The following MYO9A variants were observed in gnomAD, a reference collection of about 807,000 sequenced individuals.
MYO9A encodes the protein unconventional myosin-IXa.
In MYO9A, 103 loss-of-function variants were observed where a neutral mutation model predicts 293.3. The observed-to-expected ratio is 0.35, with a 90% CI of 0.30 to 0.41. The LOEUF is 0.41. MYO9A is among the 10% of genes least tolerant of loss of function. The probability of loss-of-function intolerance (pLI) is 1.00; values close to 1 mark genes in which losing one functional copy is unlikely to be tolerated. For missense variants in MYO9A, 2,685 were observed against 3,033.0 expected, an observed-to-expected ratio of 0.89 and a Z score of 2.69; for synonymous variants, 1,001 against 1,035.7, an observed-to-expected ratio of 0.97 and a Z score of 0.64.
intron 1 of MYO9A, among the ~76,000 whole-genome samples, chr15:72,053,176 G>T (rs910949931): frequency 2.6e-5 from 4 of 152,130 alleles, no homozygotes; most frequent in Non-Finnish European, 4.4e-5. Flanking sequence ...AAGGCAGGCG[G>T]ATCACTTAAG....
chr15:72,030,096 T>C (rs764932141), intron 3 of MYO9A, among the ~76,000 whole-genome samples: 3 of 152,222 alleles, frequency 2.0e-5, no homozygotes, highest in African/African-American at 2.4e-5. Context: ...TGTGGGTTCT[T>C]TGAAAATCCA....
chr15:71,836,649 A>C (rs2054952450), intron 39 of MYO9A, among the ~76,000 whole-genome samples: 1 of 152,114 alleles, frequency 6.6e-6, no homozygotes. Flanking sequence ...AATGAGCTAC[A>C]ACAAAATATG....
intron 1 of MYO9A, among the ~76,000 whole-genome samples, chr15:72,096,387 A>C (rs2080065660): frequency 6.6e-6 from 1 of 152,180 alleles, no homozygotes; most frequent in Non-Finnish European, 1.5e-5. Context: ...TTTGCTCTCT[A>C]AATGGAAAAA....
chr15:72,067,047 T>C (rs2079042192), intron 1 of MYO9A, among the ~76,000 whole-genome samples: 1 of 148,502 alleles, frequency 6.7e-6, no homozygotes, highest in Non-Finnish European at 1.5e-5. Context: ...TATTAATACA[T>C]TATATAATAT....
In MYO9A at chr15:71,867,844, ACACACG is replaced by A. The variant is rs1242281726; in HGVS notation, c.5980-5239_5980-5234del. On this transcript the variant is annotated intron_variant, in intron 32 of 41. Transcript: ENST00000356056. Reference sequence around the variant, plus strand: ...CACACACACACACACACACACACACACACACGGTTATTCATTGTTCACTCTTTGTAA... The same window carrying A: ...CACACACACACACACACACACACACAGTTATTCATTGTTCACTCTTTGTAA... Among the ~76,000 whole-genome samples the A allele has an allele frequency of 2.2e-4, 30 of 134,376 alleles. No individual in the cohort carries two copies. In the East Asian group the frequency reaches 6.0e-3, roughly 27 times the overall value. The allele number at this position is 134,376 out of a possible 152,430, so 88.2% of individuals were successfully genotyped here.
At chr15:71,960,648 A>C (rs1412164798) in intron 13 of MYO9A, among the ~76,000 whole-genome samples, 1 of 152,230 alleles carries the variant, frequency 6.6e-6, no homozygotes, top group Non-Finnish European at 1.5e-5. Context: ...CAGGTAGCTA[A>C]CTGGACCGGG....
At chr15:71,907,050 G>A (rs563649093) in intron 19 of MYO9A, among the ~76,000 whole-genome samples, 105 of 147,308 alleles carry the variant, frequency 7.1e-4, no homozygotes, top group African/African-American at 2.5e-3. Flanking sequence ...CCACTAACTC[G>A]TCATCTAGCA....
chr15:71,940,623 A>C (rs2146103937), intron 15 of MYO9A, among the ~76,000 whole-genome samples: 1 of 152,336 alleles, frequency 6.6e-6, no homozygotes, highest in South Asian at 2.1e-4. Flanking sequence ...GACTCAACTA[A>C]ATGGAATACT....
chr15:71,878,843 A>G (rs2056781908), intron 30 of MYO9A, among the ~76,000 whole-genome samples: 1 of 143,778 alleles, frequency 7.0e-6, no homozygotes, highest in Non-Finnish European at 1.5e-5. Flanking sequence ...ACCTCAAGCT[A>G]TTGAATGGGT....
intron 3 of MYO9A, among the ~76,000 whole-genome samples, chr15:72,029,085 T>C (rs1458086674): frequency 6.6e-6 from 1 of 152,156 alleles, no homozygotes; most frequent in African/African-American, 2.4e-5. Flanking sequence ...AGAATTCCCA[T>C]GGATAAGTGA....
At position 71,825,215 on chromosome 15, in the gene MYO9A, C is replaced by T. The variant is rs1280980300; in HGVS notation, c.*1365G>A. On this transcript the variant is annotated 3_prime_UTR_variant, in exon 42 of 42. Coordinates refer to ENST00000356056, the MANE Select transcript of MYO9A (RefSeq NM_006901.4). ...TTATAACTCATGTGTATGAAGACCA[C>T]CCAGTGGTGAAAATGATGTCTTACT... is the stretch of plus-strand genomic sequence containing the variant. The T allele has an allele frequency of 6.6e-6, 1 of 152,134 alleles. No homozygotes were observed. The highest frequency in any genetic ancestry group is 1.5e-5 in the Non-Finnish European group (1 of 68,030). 9.4% of individuals were successfully genotyped at this position (152,134 alleles called of 1,614,324 possible). A position where few individuals can be genotyped will look rare whatever the true frequency, so the allele number is the denominator to read the frequency against.
At chr15:71,857,121 T>G (rs1335004501) in intron 34 of MYO9A, among the ~76,000 whole-genome samples, 1 of 152,218 alleles carries the variant, frequency 6.6e-6, no homozygotes, top group Non-Finnish European at 1.5e-5. Flanking sequence ...TTATGACTTG[T>G]GGAAGCAAAA....
At chr15:72,001,553 C>CAA (rs199812533) in intron 8 of MYO9A, among the ~76,000 whole-genome samples, 5,321 of 102,056 alleles carry the variant, frequency 0.052, 347 homozygotes, top group East Asian at 0.064. Context: ...GACTCCATCT[C>CAA]AAAAAAAAAA....
chr15:72,104,470 T>C (rs1173618119), intron 1 of MYO9A, among the ~76,000 whole-genome samples: 1 of 152,214 alleles, frequency 6.6e-6, no homozygotes, highest in East Asian at 1.9e-4. Context: ...ATAAGTCTGG[T>C]ACCTAGTGTG....
intron 19 of MYO9A, among the ~76,000 whole-genome samples, chr15:71,910,682 C>G (rs1288223757): frequency 6.6e-6 from 1 of 152,072 alleles, no homozygotes; most frequent in Non-Finnish European, 1.5e-5. Flanking sequence ...AACAGTATTG[C>G]TTTGTGGTAT....
intron 39 of MYO9A, among the ~76,000 whole-genome samples, chr15:71,844,175 C>T (rs1251570709): frequency 6.6e-6 from 1 of 152,204 alleles, no homozygotes; most frequent in African/African-American, 2.4e-5. Context: ...CTTCTACAGC[C>T]TTTCCCTGTG....
At chr15:71,979,298 C>A (rs1015627096) in intron 11 of MYO9A, among the ~76,000 whole-genome samples, 2 of 152,082 alleles carry the variant, frequency 1.3e-5, no homozygotes, top group Non-Finnish European at 2.9e-5. Context: ...ATAAAGGTCA[C>A]TCCCCAATGG....
chr15:71,880,489 T>C lies in MYO9A; in HGVS notation c.5468A>G (p.Lys1823Arg), dbSNP rs1480918242. The C allele has an allele frequency of 1.2e-6, 2 of 1,614,238 alleles. No individual in the cohort carries two copies. The highest frequency in any genetic ancestry group is 1.1e-5 in the South Asian group (1 of 91,086). The change falls in exon 29 of 42, where the codon AAA becomes AGA. Residue 1823 changes from lysine (K) to arginine (R), a missense_variant. Around this residue, in one of 10 missense-constraint regions of MYO9A, gnomAD observed 1,434 missense variants for 1,497.7 expected, o/e 0.96. Transcript: ENST00000356056. ...ELPGSCRKEF[K>R]ENKEPSPKAK... The stretch of plus-strand genomic sequence containing the variant: ...CTTTGGAGAAGGTTCTTTGTTCTCT[T>C]TGAATTCCTTCCGGCAACTGCCGGG...
rs549795582 is a variant in MYO9A at position 71,888,398 on chromosome 15, T to C, written c.5143-282A>G. 2.3e-4 allele frequency: 45 copies of C among 196,688 alleles called. No individual in the cohort carries two copies. The South Asian group carries it at 7.0e-3, about 31-fold the overall frequency. 12.2% of individuals were successfully genotyped at this position (196,688 alleles called of 1,614,324 possible). On this transcript the variant is annotated intron_variant, in intron 26 of 41. Transcript: ENST00000356056. ...GGAAAGGCAAGAAAGTGAAAACCATTTAAAGATAGAGACAAAAGATGCAGG... is the reference window on the plus strand; with the variant it reads ...GGAAAGGCAAGAAAGTGAAAACCATCTAAAGATAGAGACAAAAGATGCAGG...
Sources: allele counts gnomAD v4.1 joint callset (sites outside exome capture counted in the v4.1 genomes callset), GRCh38; gene constraint gnomAD v4.1.1; regional missense constraint gnomAD v4.1.1; transcripts MANE v1.5; gene names NCBI Gene and HGNC (gene_info 2026-07-23, HGNC 2026-07-21).